The following MCTP1 variants were observed in gnomAD, a reference collection of about 807,000 sequenced individuals.
MCTP1 encodes multiple C2 and transmembrane domain-containing protein 1.
MCTP1 carries 69 observed loss-of-function variants against 120.6 expected under a neutral mutation model. The ratio of observed to expected loss-of-function variants is 0.57; its 90% CI spans 0.47 to 0.70. The LOEUF is 0.70. MCTP1 is among the 30% of genes least tolerant of loss of function. The pLI is 0.00. For missense variants in MCTP1, 1,203 were observed against 1,248.8 expected (o/e 0.96, Z 0.55); for synonymous variants, 529 against 493.1 (o/e 1.07, Z -0.96).
chr5:95,177,645 G>A (rs1748161255), intron 1 of MCTP1, among the ~76,000 whole-genome samples: 1 of 152,220 alleles, frequency 6.6e-6, no homozygotes, highest in African/African-American at 2.4e-5. Context: ...GGAGTAACGT[G>A]ATTGGTCACT....
intron 1 of MCTP1, among the ~76,000 whole-genome samples, chr5:95,041,325 A>AG (rs1300204248): frequency 6.7e-6 from 1 of 150,150 alleles, no homozygotes; most frequent in African/African-American, 2.5e-5. Context: ...AAAAAAAAAA[A>AG]AAAAAAGAAA....
At chr5:95,159,872 T>G (rs966856242) in intron 1 of MCTP1, among the ~76,000 whole-genome samples, 5 of 151,818 alleles carry the variant, frequency 3.3e-5, no homozygotes, top group African/African-American at 4.8e-5. Context: ...TGAAGCTGAG[T>G]TTTAGCAGAT....
chr5:94,903,128 A>G (rs1215563463), intron 10 of MCTP1, among the ~76,000 whole-genome samples: 1 of 150,972 alleles, frequency 6.6e-6, no homozygotes, highest in Non-Finnish European at 1.5e-5. Flanking sequence ...TCCCTAATGA[A>G]CTATTTCACT....
intron 1 of MCTP1, among the ~76,000 whole-genome samples, chr5:95,058,153 CTCTTAG>C (rs1747926757): frequency 6.6e-6 from 1 of 152,154 alleles, no homozygotes; most frequent in Non-Finnish European, 1.5e-5. Flanking sequence ...CGGCTCGTTG[CTCTTAG>C]TCTATTAACA....
intron 1 of MCTP1, among the ~76,000 whole-genome samples, chr5:95,028,242 G>C (rs191184046): frequency 1.1e-3 from 174 of 152,268 alleles, no homozygotes; most frequent in Admixed American, 2.6e-3. Context: ...AAACAAAACT[G>C]TCCCAGGTAA....
chr5:95,149,827 T>C (rs1178061853), intron 1 of MCTP1, among the ~76,000 whole-genome samples: 1 of 146,416 alleles, frequency 6.8e-6, no homozygotes, highest in Non-Finnish European at 1.5e-5. Context: ...CCTCATAGGG[T>C]TTCTCCTATT....
intron 18 of MCTP1, among the ~76,000 whole-genome samples, chr5:94,787,649 C>T (rs971214214): frequency 1.3e-5 from 2 of 151,718 alleles, no homozygotes; most frequent in African/African-American, 4.8e-5. Context: ...CGGCGTCTCC[C>T]TCTGTCGCCC....
intron 1 of MCTP1, among the ~76,000 whole-genome samples, chr5:95,282,489 A>C (rs570341593): frequency 2.0e-5 from 3 of 152,336 alleles, no homozygotes; most frequent in African/African-American, 7.2e-5. Context: ...TCAAAAATAA[A>C]TACTTCCTTT....
rs1760581442 is a variant in MCTP1, at chr5:95,284,341, T to A, written c.235A>T (p.Ser79Cys). ...ARGSGAGSRW[S>C]GFKKRKQVLD... ...ACTTGCTTCCGCTTCTTGAAGCCGC[T>A]CCACCTGCTGCCTGCACCACTCCCC... The change falls in exon 1 of 23, where the codon AGC becomes TGC. Residue 79 changes from serine (S) to cysteine (C), a missense_variant. Transcript: ENST00000515393. The surrounding 1 kb of genome is among the most constrained non-coding windows in gnomAD (Gnocchi z 5.2). 6.3e-7 allele frequency: 1 copy of A among 1,597,028 alleles called. No homozygotes were observed.
At chr5:95,094,502 C>CT (rs534488232) in intron 1 of MCTP1, among the ~76,000 whole-genome samples, 191 of 152,252 alleles carry the variant, frequency 1.3e-3, no homozygotes, top group African/African-American at 4.4e-3. Context: ...AACAATACTG[C>CT]TTTTTTCCCT....
chr5:94,791,899 T>A (rs1779048897), intron 18 of MCTP1: 1 of 152,320 alleles, frequency 6.6e-6, no homozygotes, highest in South Asian at 2.1e-4. Flanking sequence ...CTCAGGTGGG[T>A]CATAGCCCTC....
intron 1 of MCTP1, among the ~76,000 whole-genome samples, chr5:95,281,107 G>A (rs1760277278): frequency 6.6e-6 from 1 of 152,216 alleles, no homozygotes; most frequent in African/African-American, 2.4e-5. Context: ...GCACTCTAAA[G>A]ATGTATTAAA....
At chr5:95,158,225 A>G (rs557716172) in intron 1 of MCTP1, among the ~76,000 whole-genome samples, 1 of 152,342 alleles carries the variant, frequency 6.6e-6, no homozygotes, top group African/African-American at 2.4e-5. Context: ...AAAATGGTAA[A>G]CACATTCCAC....
intron 21 of MCTP1, 52 bp from the exon 22 acceptor site, chr5:94,708,661 G>T: frequency 8.7e-7 from 1 of 1,154,300 alleles, no homozygotes; most frequent in Non-Finnish European, 1.3e-6. Context: ...AAGTGTTGTA[G>T]TAATTTGAAG....
chr5:94,823,864 G>C (rs888322053), intron 17 of MCTP1, among the ~76,000 whole-genome samples: 3 of 152,072 alleles, frequency 2.0e-5, no homozygotes, highest in African/African-American at 7.2e-5. Context: ...TTGGTGTATA[G>C]GAATGCTTGT....
chr5:95,001,790 G>T (rs971875608), intron 2 of MCTP1, among the ~76,000 whole-genome samples: 1 of 152,156 alleles, frequency 6.6e-6, no homozygotes, highest in Non-Finnish European at 1.5e-5. Context: ...AATCATTTTT[G>T]GGGGGAGAAA....
At chr5:95,278,496 C>T (rs889842482) in intron 1 of MCTP1, among the ~76,000 whole-genome samples, 3 of 152,080 alleles carry the variant, frequency 2.0e-5, no homozygotes, top group African/African-American at 4.8e-5. Flanking sequence ...ATATCTACTT[C>T]GTTCACATTA....
chr5:94,871,058 A>G (rs1280853654), intron 14 of MCTP1, 85 bp from the exon 15 acceptor site: 3 of 1,093,892 alleles, frequency 2.7e-6, no homozygotes, highest in Non-Finnish European at 2.8e-6. Flanking sequence ...CCAGCTGCTG[A>G]AACTGACAGA....
At chr5:95,232,441 C>T (rs1298036348) in intron 1 of MCTP1, among the ~76,000 whole-genome samples, 1 of 149,990 alleles carries the variant, frequency 6.7e-6, no homozygotes, top group Non-Finnish European at 1.5e-5. Flanking sequence ...ATGTTGCCCA[C>T]AAGAAATGAA....
Sources: gnomAD v4.1 joint callset for allele counts (sites outside exome capture counted in the v4.1 genomes callset) on GRCh38, gnomAD v4.1.1 for gene constraint, Gnocchi (gnomAD v3.1) non-coding constraint, MANE v1.5 for transcripts, NCBI Gene and HGNC (gene_info 2026-07-23, HGNC 2026-07-21) for gene names.